Variants in NGFR observed in about 807,000 individuals in gnomAD.
NGFR encodes the protein nerve growth factor receptor.
NGFR carries 30 observed loss-of-function variants against 43.2 expected under a neutral mutation model. That is an observed-to-expected ratio of 0.69 (90% confidence interval 0.52 to 0.94). The LOEUF (loss-of-function observed/expected upper bound fraction) is 0.94, where lower values mean the gene tolerates loss of function less well. Ranked by LOEUF, NGFR falls within the 40% of genes least tolerant of loss-of-function variation. NGFR has a pLI of 0.00. For missense variants in NGFR, 529 were observed against 602.5 expected (o/e 0.88, Z 1.28); for synonymous variants, 246 against 259.6 (o/e 0.95, Z 0.50).
chr17:49,495,343 C>A lies in NGFR; in HGVS notation c.-75C>A. The A allele has an allele frequency of 1.9e-6, 2 of 1,080,600 alleles. No homozygotes were observed. The highest frequency in any genetic ancestry group is 2.3e-6 in the Non-Finnish European group (2 of 870,190). 66.9% of individuals were successfully genotyped at this position (1,080,600 alleles called of 1,614,324 possible). On this transcript the variant is annotated 5_prime_UTR_variant, in exon 1 of 6. Coordinates refer to ENST00000172229, the MANE Select transcript of NGFR (RefSeq NM_002507.4). The surrounding 1 kb of genome is among the most constrained non-coding windows in gnomAD (Gnocchi z 6.4). Reference sequence around the variant, plus strand: ...CCGGCGGGCAGGGGGGGCGCTGGAGCGCAGCGCAGCGCAGCCCCATCAGTC... The same window carrying A: ...CCGGCGGGCAGGGGGGGCGCTGGAGAGCAGCGCAGCGCAGCCCCATCAGTC...
chr17:49,506,310 T>A lies in NGFR; in HGVS notation c.220T>A (p.Ser74Thr). 2 of 1,563,036 alleles carry A rather than the reference T, an allele frequency of 1.3e-6. No individual in the cohort carries two copies. Among genetic ancestry groups the A allele is most frequent in the Non-Finnish European group, 1.7e-6 (2 of 1,155,988 alleles). The change falls in exon 3 of 6, where the codon TCC becomes ACC. Residue 74 changes from serine (S) to threonine (T), a missense_variant. Physicochemically the swap from Ser to Thr is moderately conservative, Grantham distance 58. Coordinates refer to ENST00000172229, the MANE Select transcript of NGFR (RefSeq NM_002507.4). Reference sequence around the variant, plus strand: ...TCCGCTGCGCTCAGGCGTGACGTTCTCCGACGTGGTGAGCGCGACCGAGCC... The same window carrying A: ...TCCGCTGCGCTCAGGCGTGACGTTCACCGACGTGGTGAGCGCGACCGAGCC... ...CEPCLDSVTF[S>T]DVVSATEPCK...
chr17:49,513,161 C>G lies in NGFR; in HGVS notation c.*152C>G. The G allele has an allele frequency of 1.3e-6, 1 of 789,264 alleles. No homozygotes were observed. Among genetic ancestry groups the G allele is most frequent in the Non-Finnish European group, 1.9e-6 (1 of 514,302 alleles). The allele number at this position is 789,264 out of a possible 1,614,324, so 48.9% of individuals were successfully genotyped here. A position where few individuals can be genotyped will look rare whatever the true frequency, so the allele number is the denominator to read the frequency against. ...GACCTCAGAGTCCAGGCCCCAAAAC[C>G]ACAGCCCTGTCAGTGCAGCCCGTGT... On this transcript the variant is annotated 3_prime_UTR_variant, in exon 6 of 6. Transcript: ENST00000172229.
intron 4 of NGFR, chr17:49,510,953 C>G: frequency 2.3e-5 from 10 of 439,042 alleles, no homozygotes; most frequent in South Asian, 8.3e-5. Flanking sequence ...CTTGTGTCCT[C>G]ATCCCCAACC....
intron 1 of NGFR, 64 bp from the exon 2 acceptor site, chr17:49,501,999 A>AGGCCCCCC: frequency 3.0e-6 from 1 of 330,984 alleles, no homozygotes; most frequent in Non-Finnish European, 5.9e-6. Context: ...TCCCCGGAAG[A>AGGCCCCCC]ACCCCCCCCA....
chr17:49,500,729 G>A (rs1248217156), intron 1 of NGFR, among the ~76,000 whole-genome samples: 4 of 152,100 alleles, frequency 2.6e-5, no homozygotes, highest in East Asian at 1.9e-4. Flanking sequence ...GAGGAGGTGC[G>A]GCAACACCAA....
intron 4 of NGFR, among the ~76,000 whole-genome samples, chr17:49,511,661 G>C (rs2071233256): frequency 6.6e-6 from 1 of 152,092 alleles, no homozygotes; most frequent in Admixed American, 6.5e-5. Context: ...TTGCTGCACT[G>C]CTCATTCCAG....
chr17:49,504,447 A>C (rs1313569532), intron 2 of NGFR, among the ~76,000 whole-genome samples: 3 of 152,106 alleles, frequency 2.0e-5, no homozygotes, highest in Admixed American at 2.0e-4. Context: ...CTCCACCCCC[A>C]TGGGGCCCAA....
intron 3 of NGFR, among the ~76,000 whole-genome samples, chr17:49,506,866 A>G (rs551523867): frequency 3.9e-5 from 6 of 152,242 alleles, no homozygotes; most frequent in Admixed American, 3.9e-4. Flanking sequence ...CTCAGCAAAG[A>G]ACCCCTCTCT....
chr17:49,504,946 A>G (rs1363633107), intron 2 of NGFR, among the ~76,000 whole-genome samples: 1 of 150,782 alleles, frequency 6.6e-6, no homozygotes, highest in East Asian at 1.9e-4. Flanking sequence ...TAATTTTTGT[A>G]TTTTTTATAG....
Position 49,495,623 on chromosome 17 carries a change from G to A in NGFR, c.66+140G>A, listed in dbSNP as rs2071133998. On this transcript the variant is annotated intron_variant, in intron 1 of 5. Transcript: ENST00000172229. This position sits in a 1 kb window ranked among gnomAD's most constrained non-coding sequence, Gnocchi z 6.4. Reference sequence around the variant, plus strand: ...TGGGTGGTGGGAAAGGACCTCTGATGCCGGGACCACGAAGGAGGGTCTAGG... The same window carrying A: ...TGGGTGGTGGGAAAGGACCTCTGATACCGGGACCACGAAGGAGGGTCTAGG... The A allele has an allele frequency of 2.7e-6, 2 of 745,424 alleles. No individual in the cohort carries two copies. Among genetic ancestry groups the A allele is most frequent in the Non-Finnish European group, 3.7e-6 (2 of 541,612 alleles). The allele number at this position is 745,424 out of a possible 1,614,324, so 46.2% of individuals were successfully genotyped here.
chr17:49,502,442 G>A (rs1252686716), intron 2 of NGFR, among the ~76,000 whole-genome samples: 1 of 152,180 alleles, frequency 6.6e-6, no homozygotes, highest in Admixed American at 6.5e-5. Flanking sequence ...GATCTCCAAG[G>A]GGTGCCCATT....
At chr17:49,501,115 C>G (rs1225415268) in intron 1 of NGFR, among the ~76,000 whole-genome samples, 1 of 152,208 alleles carries the variant, frequency 6.6e-6, no homozygotes, top group Non-Finnish European at 1.5e-5. Context: ...CCTCCACCAG[C>G]CCCTTCCCCT....
chr17:49,511,768 G>A (rs2071233910), intron 4 of NGFR, 124 bp from the exon 5 acceptor site: 1 of 1,130,346 alleles, frequency 8.8e-7, no homozygotes, highest in Non-Finnish European at 1.2e-6. Context: ...TAGATGGTGG[G>A]GTGGCGGTTA....
chr17:49,502,000 A>AGGCCCCCC, intron 1 of NGFR, 63 bp from the exon 2 acceptor site: 4 of 264,886 alleles, frequency 1.5e-5, no homozygotes, highest in Non-Finnish European at 1.6e-5. Flanking sequence ...CCCCGGAAGA[A>AGGCCCCCC]CCCCCCCCAA....
chr17:49,504,193 C>T (rs1398182972), intron 2 of NGFR, among the ~76,000 whole-genome samples: 1 of 152,178 alleles, frequency 6.6e-6, no homozygotes, highest in East Asian at 1.9e-4. Context: ...CCAAAAAAGA[C>T]CACATTTTTC....
chr17:49,502,030 G>C, intron 1 of NGFR, 33 bp from the exon 2 acceptor site: 1 of 708,072 alleles, frequency 1.4e-6, no homozygotes, highest in Non-Finnish European at 1.8e-6. Context: ...GCTTTCTCTT[G>C]CCAGTCTGAC....
intron 3 of NGFR, 24 bp downstream of exon 3, chr17:49,506,682 GGGAGT>G: frequency 1.7e-6 from 2 of 1,174,408 alleles, no homozygotes; most frequent in Non-Finnish European, 2.3e-6. Flanking sequence ...GGGGGGCGGG[GGGAGT>G]GGGGGTGCGG....
intron 1 of NGFR, among the ~76,000 whole-genome samples, chr17:49,499,433 G>T (rs916190413): frequency 2.0e-5 from 3 of 152,294 alleles, no homozygotes; most frequent in Non-Finnish European, 4.4e-5. Context: ...CTATGATGCA[G>T]GTACTGTCAT....
At position 49,506,671 on chromosome 17, in the gene NGFR, C is replaced by T. The variant is rs756683300; in HGVS notation, c.568+13C>T. On this transcript the variant is annotated intron_variant, in intron 3 of 5. Transcript: ENST00000172229. ...GCCGAGTGCGAGGGTGAGTGCGGTT[C>T]GGGGGGCGGGGGGAGTGGGGGTGCG... The T allele has an allele frequency of 2.1e-4, 24 of 116,706 alleles. No individual in the cohort carries two copies. Among genetic ancestry groups the T allele is most frequent in the East Asian group, 1.3e-3 (5 of 3,890 alleles). 7.2% of individuals were successfully genotyped at this position (116,706 alleles called of 1,614,324 possible).
Sources: allele counts gnomAD v4.1 joint callset (sites outside exome capture counted in the v4.1 genomes callset), GRCh38; gene constraint gnomAD v4.1.1; non-coding constraint Gnocchi (gnomAD v3.1); transcripts MANE v1.5; gene names NCBI Gene and HGNC (gene_info 2026-07-23, HGNC 2026-07-21).